Variants in PPP2R5A observed in about 807,000 individuals in gnomAD.
PPP2R5A encodes the protein serine/threonine-protein phosphatase 2A 56 kDa regulatory subunit alpha isoform.
In PPP2R5A, 25 loss-of-function variants were observed where a neutral mutation model predicts 64.2. The observed-to-expected ratio is 0.39, with a 90% confidence interval of 0.28 to 0.54. PPP2R5A has a LOEUF of 0.54. Ranked by LOEUF, PPP2R5A falls within the 20% of genes least tolerant of loss-of-function variation. The pLI, the probability that PPP2R5A is intolerant of heterozygous loss-of-function variation, is 0.67. For synonymous variants in PPP2R5A, 198 were observed against 201.2 expected, an observed-to-expected ratio of 0.98 and a Z score of 0.13; for missense variants, 425 against 576.3, an observed-to-expected ratio of 0.74 and a Z score of 2.69.
chr1:212,302,189 C>G, intron 1 of PPP2R5A: 1 of 1,158,244 alleles, frequency 8.6e-7, no homozygotes. Flanking sequence ...GCATTTGAAA[C>G]AGTACAAGCA....
rs775156232 is a variant in PPP2R5A at position 212,360,734 on chromosome 1, C to G, written c.1425C>G (p.Asn475Lys). The change falls in exon 13 of 13, where the codon AAC becomes AAG. Residue 475 changes from asparagine (N) to lysine (K), a missense_variant. Around this residue, in one of 4 missense-constraint regions of PPP2R5A, gnomAD observed 177 missense variants for 244.8 expected, o/e 0.72. Coordinates refer to ENST00000261461, the MANE Select transcript of PPP2R5A (RefSeq NM_006243.4). ...TAGAAAAACAGAATAGTGCTTACAA[C>G]ATGCACAGTATTCTCAGCAATACAA... ...KALEKQNSAY[N>K]MHSILSNTSA... is the part of the protein sequence containing the mutation. The G allele has an allele frequency of 6.3e-7, 1 of 1,591,630 alleles. No individual in the cohort carries two copies.
chr1:212,316,587 C>CTT (rs751228809), intron 1 of PPP2R5A, among the ~76,000 whole-genome samples: 6,252 of 36,652 alleles, frequency 0.17, 1,458 homozygotes, highest in East Asian at 0.4. Context: ...TTGTGGGTGA[C>CTT]TTTTTTTTTT....
rs1424017126 is a variant in PPP2R5A at position 212,347,861 on chromosome 1, T to C, written c.764+455T>C. Among the ~76,000 whole-genome samples the C allele has an allele frequency of 2.6e-5, 4 of 152,312 alleles. No individual in the cohort carries two copies. In the South Asian group the frequency reaches 8.3e-4, roughly 32 times the overall value. On this transcript the variant is annotated intron_variant, in intron 6 of 12. Transcript: ENST00000261461. The stretch of plus-strand genomic sequence containing the variant: ...ATGCCCAGCCTCAGCTGAATTCTTA[T>C]TACCTTTTGCCATAACACTTTGCCT...
chr1:212,318,093 C>G (rs1031385675), intron 1 of PPP2R5A, among the ~76,000 whole-genome samples: 8 of 152,190 alleles, frequency 5.3e-5, no homozygotes, highest in African/African-American at 1.9e-4. Flanking sequence ...GAAATTGTGC[C>G]TTTCCCTAGA....
At chr1:212,320,678 C>CG (rs1368733248) in intron 1 of PPP2R5A, among the ~76,000 whole-genome samples, 1 of 126,348 alleles carries the variant, frequency 7.9e-6, no homozygotes, top group Non-Finnish European at 1.8e-5. Context: ...GCTGGCCGGG[C>CG]GGGGGGCTGA....
intron 1 of PPP2R5A, among the ~76,000 whole-genome samples, chr1:212,302,631 A>G (rs1323166871): frequency 1.3e-5 from 2 of 152,238 alleles, no homozygotes; most frequent in Admixed American, 6.5e-5. Flanking sequence ...CCCCATTTAA[A>G]GTATACAATT....
At chr1:212,355,158 GA>G (rs1213049433) in intron 8 of PPP2R5A, among the ~76,000 whole-genome samples, 1 of 152,068 alleles carries the variant, frequency 6.6e-6, no homozygotes, top group African/African-American at 2.4e-5. Context: ...TTGTTGTTGT[GA>G]AAAGTACCTT....
At position 212,333,553 on chromosome 1, in the gene PPP2R5A, A is replaced by G. The variant is rs1360596568; in HGVS notation, c.435A>G (p.Pro145=). Residue 145 remains proline (P), a synonymous_variant, in exon 3 of 13, where the codon CCA becomes CCG. Coordinates refer to ENST00000261461, the MANE Select transcript of PPP2R5A (RefSeq NM_006243.4). ...CAAGTGATAATCCAGATTTTGATCC[A>G]GAAGAGGATGAACCCACGCTTGAGG... The part of the protein sequence containing the change: ...LPPSDNPDFD[P]EEDEPTLEAS... 1 of 1,602,972 alleles carries G rather than the reference A, an allele frequency of 6.2e-7. No homozygotes were observed. The highest frequency in any genetic ancestry group is 1.1e-5 in the South Asian group (1 of 89,750).
At chr1:212,331,181 AAAAAG>A (rs1344476878) in intron 2 of PPP2R5A, among the ~76,000 whole-genome samples, 1 of 151,496 alleles carries the variant, frequency 6.6e-6, no homozygotes, top group Non-Finnish European at 1.5e-5. Context: ...AAAAAAAAAA[AAAAAG>A]AGAGTGTCTC....
At chr1:212,340,604 A>G (rs1659670903) in intron 3 of PPP2R5A, among the ~76,000 whole-genome samples, 1 of 152,238 alleles carries the variant, frequency 6.6e-6, no homozygotes, top group Admixed American at 6.5e-5. Context: ...GTTTGATTAG[A>G]AAATTATCTA....
chr1:212,308,873 A>T (rs1658970561), intron 1 of PPP2R5A, among the ~76,000 whole-genome samples: 1 of 151,398 alleles, frequency 6.6e-6, no homozygotes, highest in African/African-American at 2.4e-5. Flanking sequence ...GGGTCCCTTT[A>T]GTTTATTTTG....
intron 4 of PPP2R5A, among the ~76,000 whole-genome samples, chr1:212,343,163 G>A (rs1042463713): frequency 6.6e-6 from 1 of 152,042 alleles, no homozygotes; most frequent in African/African-American, 2.4e-5. Context: ...ACATTGGCCA[G>A]GCTGGTCTTG....
At chr1:212,306,353 A>C (rs1370601720) in intron 1 of PPP2R5A, among the ~76,000 whole-genome samples, 1 of 132,624 alleles carries the variant, frequency 7.5e-6, no homozygotes, top group Admixed American at 7.6e-5. Context: ...AAAGGAGAAG[A>C]ATGGAGGGGG....
At chr1:212,326,363 G>A (rs1417093604) in intron 1 of PPP2R5A, among the ~76,000 whole-genome samples, 1 of 152,052 alleles carries the variant, frequency 6.6e-6, no homozygotes, top group Non-Finnish European at 1.5e-5. Flanking sequence ...GGAGGCCGAG[G>A]CAGGCGGATC....
In PPP2R5A at chr1:212,361,410, C is replaced by T. The variant is rs1660078907; in HGVS notation, c.*640C>T. ...TCTTCAGATTGTTCCTCATGAATATCCCCCTTCCTCTGCAATTCTCCAGAG... is the reference window on the plus strand; with the variant it reads ...TCTTCAGATTGTTCCTCATGAATATTCCCCTTCCTCTGCAATTCTCCAGAG... On this transcript the variant is annotated 3_prime_UTR_variant, in exon 13 of 13. Transcript: ENST00000261461. The T allele has an allele frequency of 6.6e-6, 1 of 152,618 alleles. No homozygotes were observed. The highest frequency in any genetic ancestry group is 1.5e-5 in the Non-Finnish European group (1 of 68,034). The allele number at this position is 152,618 out of a possible 1,614,324, so 9.5% of individuals were successfully genotyped here.
intron 3 of PPP2R5A, among the ~76,000 whole-genome samples, chr1:212,339,427 T>C (rs562286222): frequency 6.6e-6 from 1 of 152,294 alleles, no homozygotes; most frequent in South Asian, 2.1e-4. Flanking sequence ...TCCACCCGCC[T>C]CAGGCTCCCA....
At chr1:212,344,188 G>A (rs752955891) in intron 4 of PPP2R5A, among the ~76,000 whole-genome samples, 2 of 152,188 alleles carry the variant, frequency 1.3e-5, no homozygotes, top group African/African-American at 2.4e-5. Flanking sequence ...TGGCCAGGCC[G>A]GTATCAAATC....
intron 1 of PPP2R5A, among the ~76,000 whole-genome samples, chr1:212,305,361 C>G (rs1262251521): frequency 6.6e-6 from 1 of 151,672 alleles, no homozygotes; most frequent in African/African-American, 2.4e-5. Context: ...TTTCTAACTT[C>G]ATTCCTTTGT....
intron 1 of PPP2R5A, among the ~76,000 whole-genome samples, chr1:212,304,275 A>G (rs1558140895): frequency 6.6e-6 from 1 of 152,060 alleles, no homozygotes; most frequent in Non-Finnish European, 1.5e-5. Context: ...GGGGTCAGCC[A>G]GGTGCGGTGG....
Sources: gnomAD v4.1 joint callset for allele counts (sites outside exome capture counted in the v4.1 genomes callset) on GRCh38, gnomAD v4.1.1 for gene constraint, gnomAD v4.1.1 regional missense constraint, MANE v1.5 for transcripts, NCBI Gene and HGNC (gene_info 2026-07-23, HGNC 2026-07-21) for gene names.